The following HYDIN variants were observed in gnomAD, a reference collection of about 807,000 sequenced individuals.
HYDIN encodes the protein axonemal central pair apparatus protein HYDIN.
A neutral mutation model predicts 403.9 loss-of-function variants in HYDIN; 132 were observed. The observed-to-expected ratio is 0.33, with a 90% confidence interval of 0.28 to 0.38. HYDIN has a LOEUF of 0.38. Among genes scored for constraint, HYDIN ranks in the 10% least tolerant of loss-of-function variants. The pLI is 1.00. For missense variants in HYDIN, 2,827 were observed against 5,009.5 expected, an observed-to-expected ratio of 0.56 and a Z score of 13.15; for synonymous variants, 1,202 against 1,891.7, an observed-to-expected ratio of 0.64 and a Z score of 9.46.
At chr16:71,077,340 A>T (rs2082650357) in intron 13 of HYDIN, among the ~76,000 whole-genome samples, 2 of 151,344 alleles carry the variant, frequency 1.3e-5, no homozygotes, top group Admixed American at 1.3e-4. Flanking sequence ...GTGTCTGCAC[A>T]TTTATTGTTA....
At position 70,892,324 on chromosome 16, in the gene HYDIN, G is replaced by C. The variant is rs770204433; in HGVS notation, c.9417+37C>G. The stretch of plus-strand genomic sequence containing the variant: ...TTTGCAACAGGAGTCGTACGATCCT[G>C]CCATTGAGGCAGCCCCTCCCTTTGG... On this transcript the variant is annotated intron_variant, in intron 56 of 85. Transcript: ENST00000393567. 12 of 1,565,584 alleles carry C rather than the reference G, an allele frequency of 7.7e-6. No homozygotes were observed. The East Asian group carries it at 2.7e-4, about 35-fold the overall frequency.
intron 36 of HYDIN, among the ~76,000 whole-genome samples, chr16:70,967,613 C>T (rs1012456804): frequency 3.9e-5 from 6 of 152,190 alleles, no homozygotes; most frequent in African/African-American, 1.4e-4. Context: ...TCCTGAGTAG[C>T]TGGGACTACA....
chr16:71,023,324 ATATTT>A (rs945890765), intron 21 of HYDIN, among the ~76,000 whole-genome samples: 57 of 151,616 alleles, frequency 3.8e-4, no homozygotes, highest in African/African-American at 1.9e-4. Context: ...CAAGCCATGG[ATATTT>A]TATTTTATTT....
At chr16:71,148,313 T>C (rs1403347726) in intron 7 of HYDIN, among the ~76,000 whole-genome samples, 1 of 152,150 alleles carries the variant, frequency 6.6e-6, no homozygotes, top group Non-Finnish European at 1.5e-5. Flanking sequence ...ACTTCTCTTC[T>C]GAGACTGAGA....
intron 80 of HYDIN, among the ~76,000 whole-genome samples, chr16:70,832,553 A>T (rs549332605): frequency 1.4e-4 from 21 of 152,230 alleles, no homozygotes; most frequent in African/African-American, 5.1e-4. Flanking sequence ...ATTTTTTTTT[A>T]AACCATAGAA....
At chr16:71,098,543 A>G (rs1568150659) in intron 10 of HYDIN, among the ~76,000 whole-genome samples, 2 of 151,186 alleles carry the variant, frequency 1.3e-5, no homozygotes, top group African/African-American at 4.9e-5. Flanking sequence ...ACCCTACTCT[A>G]TTATTTTTGA....
chr16:70,953,409 A>C (rs2078132251), intron 40 of HYDIN, among the ~76,000 whole-genome samples: 5 of 152,080 alleles, frequency 3.3e-5, no homozygotes, highest in African/African-American at 1.2e-4. Flanking sequence ...CTGTGAGATT[A>C]GGCCAGCAGG....
intron 43 of HYDIN, 85 bp from the exon 44 acceptor site, chr16:70,938,840 T>C (rs1332431542): frequency 6.9e-7 from 1 of 1,441,864 alleles, no homozygotes; most frequent in Non-Finnish European, 9.5e-7. Flanking sequence ...AGGGTCTTAG[T>C]GTGGGGCAGC....
chr16:70,816,172 C>A (rs1358951081), intron 84 of HYDIN, among the ~76,000 whole-genome samples: 1 of 152,130 alleles, frequency 6.6e-6, no homozygotes, highest in African/African-American at 2.4e-5. Context: ...ACAACAACAA[C>A]AACAAAAAAC....
chr16:71,230,540 A>C (rs1334451205), intron 1 of HYDIN, 22 bp downstream of exon 1: 8 of 1,522,740 alleles, frequency 5.3e-6, no homozygotes, highest in Admixed American at 2.0e-5. Context: ...TTGACCCCAC[A>C]ATCTCTGCGA....
chr16:70,969,700 A>G (rs1484917626), intron 36 of HYDIN, among the ~76,000 whole-genome samples: 1 of 152,226 alleles, frequency 6.6e-6, no homozygotes, highest in Non-Finnish European at 1.5e-5. Flanking sequence ...GAAAGAACAG[A>G]AAGAGTAAAA....
intron 29 of HYDIN, among the ~76,000 whole-genome samples, chr16:70,980,607 A>G (rs1179875796): frequency 1.3e-5 from 2 of 151,060 alleles, no homozygotes; most frequent in African/African-American, 4.9e-5. Flanking sequence ...AATTCAGTGG[A>G]TGATTATGAA....
intron 73 of HYDIN, among the ~76,000 whole-genome samples, chr16:70,853,777 G>A (rs934747507): frequency 2.1e-5 from 3 of 145,228 alleles, no homozygotes; most frequent in South Asian, 4.2e-4. Context: ...GTCTTGACTC[G>A]TCAATGTCAA....
At position 70,850,604 on chromosome 16, in the gene HYDIN, A is replaced by G; in HGVS notation, c.12495T>C (p.Phe4165=). 1 of 1,614,082 alleles carries G rather than the reference A, an allele frequency of 6.2e-7. No individual in the cohort carries two copies. Among genetic ancestry groups the G allele is most frequent in the Non-Finnish European group, 8.5e-7 (1 of 1,179,972 alleles). ...TCTTTTCCACATTGCAGATCAAATTAAAGTTCACATCTCCTTCCTGCTTTG... is the reference window on the plus strand; with the variant it reads ...TCTTTTCCACATTGCAGATCAAATTGAAGTTCACATCTCCTTCCTGCTTTG... ...FTPKQEGDVN[F]NLICNVEKKV... Residue 4165 remains phenylalanine (F), a synonymous_variant, in exon 74 of 86, where the codon TTT becomes TTC. Transcript: ENST00000393567.
chr16:71,051,786 A>C (rs552017288), intron 18 of HYDIN, among the ~76,000 whole-genome samples: 1 of 152,244 alleles, frequency 6.6e-6, no homozygotes, highest in East Asian at 1.9e-4. Flanking sequence ...GTCAGGAAAA[A>C]GCAGCAAAGA....
chr16:71,028,533 G>C (rs112181099), intron 19 of HYDIN, among the ~76,000 whole-genome samples: 10,260 of 117,814 alleles, frequency 0.087, no homozygotes, highest in African/African-American at 0.16. Flanking sequence ...TAAGATCTCG[G>C]ATATGGTTCA....
At chr16:71,019,703 C>T (rs530632117) in intron 22 of HYDIN, among the ~76,000 whole-genome samples, 24 of 151,912 alleles carry the variant, frequency 1.6e-4, no homozygotes, top group Non-Finnish European at 2.5e-4. Flanking sequence ...AAAGAAGAAA[C>T]GAGAAATTTA....
At chr16:71,020,373 T>C in intron 21 of HYDIN, 56 bp from the exon 22 acceptor site, 3 of 1,569,886 alleles carry the variant, frequency 1.9e-6, no homozygotes, top group Non-Finnish European at 2.6e-6. Flanking sequence ...CAGTAAGCTT[T>C]TAGCAACAAG....
intron 12 of HYDIN, among the ~76,000 whole-genome samples, chr16:71,083,659 G>A (rs1448057881): frequency 2.6e-5 from 4 of 151,118 alleles, no homozygotes; most frequent in African/African-American, 7.3e-5. Context: ...TGGTCAACAC[G>A]GTCCAAAAAT....
Sources: gnomAD v4.1 joint callset for allele counts (sites outside exome capture counted in the v4.1 genomes callset) on GRCh38, gnomAD v4.1.1 for gene constraint, MANE v1.5 for transcripts, NCBI Gene and HGNC (gene_info 2026-07-23, HGNC 2026-07-21) for gene names.